The following BANK1 variants were observed in gnomAD, a reference collection of about 807,000 sequenced individuals.
BANK1 encodes B cell scaffold protein with ankyrin repeats 1, also known as B-cell scaffold protein with ankyrin repeats.
Under a neutral mutation model 94.5 loss-of-function variants are expected in BANK1, and 95 were observed. That is an observed-to-expected ratio of 1.00 (90% confidence interval 0.85 to 1.19). BANK1 has a LOEUF of 1.19. Among genes scored for constraint, BANK1 ranks in the 50% most tolerant of loss-of-function variants. The pLI, the probability that BANK1 is intolerant of heterozygous loss-of-function variation, is 0.00. For synonymous variants in BANK1, 334 were observed against 308.4 expected (o/e 1.08, Z -0.87); for missense variants, 987 against 932.2 (o/e 1.06, Z -0.77).
intron 13 of BANK1, among the ~76,000 whole-genome samples, chr4:102,070,314 G>A (rs1362799229): frequency 2.0e-5 from 3 of 152,066 alleles, no homozygotes; most frequent in Non-Finnish European, 2.9e-5. Context: ...CCACATGCAC[G>A]GTGTCCGCCT....
intron 1 of BANK1, among the ~76,000 whole-genome samples, chr4:101,820,252 A>G (rs1189052013): frequency 1.3e-4 from 20 of 152,212 alleles, no homozygotes. Flanking sequence ...CATTCCATAC[A>G]TACTTTCCAA....
chr4:102,060,077 T>C (rs1332963632), intron 11 of BANK1, 134 bp from the exon 12 acceptor site: 8 of 746,596 alleles, frequency 1.1e-5, no homozygotes, highest in Non-Finnish European at 1.6e-5. Context: ...TCATTAAAAG[T>C]GTGCTGGTTT....
intron 6 of BANK1, among the ~76,000 whole-genome samples, chr4:101,901,398 A>G (rs1250924186): frequency 6.6e-6 from 1 of 152,242 alleles, no homozygotes; most frequent in Admixed American, 6.5e-5. Context: ...GGTCTATGTA[A>G]AATTTCAATT....
chr4:101,901,678 A>G (rs1273710136), intron 6 of BANK1, among the ~76,000 whole-genome samples: 1 of 152,258 alleles, frequency 6.6e-6, no homozygotes. Context: ...GAACACCAGC[A>G]TTAAGAGGCA....
chr4:102,033,659 C>T (rs1727403052), intron 10 of BANK1, among the ~76,000 whole-genome samples: 1 of 152,136 alleles, frequency 6.6e-6, no homozygotes, highest in Admixed American at 6.5e-5. Context: ...GACTGGCACC[C>T]TTCAATATTT....
intron 1 of BANK1, among the ~76,000 whole-genome samples, chr4:101,808,573 A>G (rs911391318): frequency 1.3e-5 from 2 of 151,996 alleles, no homozygotes; most frequent in African/African-American, 4.8e-5. Context: ...TAAACAAACA[A>G]TCCACAGCGT....
intron 1 of BANK1, among the ~76,000 whole-genome samples, chr4:101,809,181 A>G (rs911332504): frequency 2.0e-5 from 3 of 152,220 alleles, no homozygotes; most frequent in Admixed American, 6.5e-5. Flanking sequence ...ACAGAATGAA[A>G]TAATGGCCTT....
At chr4:101,909,193 C>G (rs969043446) in intron 6 of BANK1, among the ~76,000 whole-genome samples, 3 of 152,124 alleles carry the variant, frequency 2.0e-5, no homozygotes, top group Non-Finnish European at 4.4e-5. Flanking sequence ...AAATATACAC[C>G]ATGGAATACT....
At chr4:101,976,024 C>T (rs1423715316) in intron 7 of BANK1, among the ~76,000 whole-genome samples, 1 of 152,086 alleles carries the variant, frequency 6.6e-6, no homozygotes, top group Non-Finnish European at 1.5e-5. Context: ...GGGGAAGAAG[C>T]TGATTAGAAA....
At chr4:101,840,751 G>A (rs1463521537) in intron 2 of BANK1, among the ~76,000 whole-genome samples, 1 of 152,176 alleles carries the variant, frequency 6.6e-6, no homozygotes, top group Non-Finnish European at 1.5e-5. Flanking sequence ...AAGGCTGTGA[G>A]ACCCCTGATT....
chr4:102,023,998 C>G (rs1371110580), intron 8 of BANK1, among the ~76,000 whole-genome samples: 3 of 152,134 alleles, frequency 2.0e-5, no homozygotes, highest in African/African-American at 4.8e-5. Context: ...AAACAAATAA[C>G]TATCCACTCT....
chr4:101,882,647 A>G (rs1383460067), intron 5 of BANK1, among the ~76,000 whole-genome samples: 1 of 152,218 alleles, frequency 6.6e-6, no homozygotes, highest in Non-Finnish European at 1.5e-5. Context: ...GCAGTCACAT[A>G]CTTCATGGAA....
intron 7 of BANK1, among the ~76,000 whole-genome samples, chr4:101,970,592 A>C (rs879733121): frequency 6.6e-6 from 1 of 152,062 alleles, no homozygotes. Flanking sequence ...ATGAACATTC[A>C]CTTTAGGAAA....
chr4:101,974,152 C>G (rs988899249), intron 7 of BANK1, among the ~76,000 whole-genome samples: 19 of 152,056 alleles, frequency 1.2e-4, no homozygotes, highest in African/African-American at 4.3e-4. Flanking sequence ...TAAATACTTT[C>G]TCTGCTTCTT....
At chr4:101,974,913 T>C (rs1396154228) in intron 7 of BANK1, among the ~76,000 whole-genome samples, 1 of 152,070 alleles carries the variant, frequency 6.6e-6, no homozygotes, top group Non-Finnish European at 1.5e-5. Flanking sequence ...GCCAAGATCA[T>C]GCCGTTGCAC....
At chr4:101,790,985 G>C (rs988688125) in intron 1 of BANK1, 35 bp downstream of exon 1, 5 of 1,457,896 alleles carry the variant, frequency 3.4e-6, no homozygotes, top group Non-Finnish European at 4.5e-6. Flanking sequence ...GCTTGACGCC[G>C]AGGCCGGGCT....
At chr4:102,056,379 C>A (rs550324055) in intron 11 of BANK1, among the ~76,000 whole-genome samples, 1 of 152,012 alleles carries the variant, frequency 6.6e-6, no homozygotes, top group South Asian at 2.1e-4. Flanking sequence ...AATAAAAAAT[C>A]CCTTAGTAAG....
intron 2 of BANK1, among the ~76,000 whole-genome samples, chr4:101,842,573 A>G (rs996483182): frequency 1.3e-5 from 2 of 152,222 alleles, no homozygotes; most frequent in Non-Finnish European, 2.9e-5. Context: ...ACTCTTGGAC[A>G]AATTTTGGTT....
intron 8 of BANK1, among the ~76,000 whole-genome samples, chr4:102,024,172 T>C (rs1057020684): frequency 3.9e-5 from 6 of 152,224 alleles, no homozygotes; most frequent in African/African-American, 1.4e-4. Flanking sequence ...AGTGTAATTC[T>C]TCATTTTAAA....
Sources: gnomAD v4.1 joint callset for allele counts (sites outside exome capture counted in the v4.1 genomes callset) on GRCh38, gnomAD v4.1.1 for gene constraint, MANE v1.5 for transcripts, NCBI Gene and HGNC (gene_info 2026-07-23, HGNC 2026-07-21) for gene names.